Variants in MTUS2 observed in about 807,000 individuals in gnomAD.
The protein encoded by MTUS2 is microtubule-associated tumor suppressor candidate 2.
A neutral mutation model predicts 114.1 loss-of-function variants in MTUS2; 40 were observed. The ratio of observed to expected loss-of-function variants is 0.35; its 90% CI spans 0.27 to 0.46. The LOEUF is 0.46. MTUS2 is among the 20% of genes least tolerant of loss of function. The pLI, the probability that MTUS2 is intolerant of heterozygous loss-of-function variation, is 1.00. For missense variants in MTUS2, 1,679 were observed against 1,705.4 expected (o/e 0.98, Z 0.27); for synonymous variants, 688 against 672.0 (o/e 1.02, Z -0.37).
At chr13:29,470,582 A>C (rs962271217) in intron 9 of MTUS2, among the ~76,000 whole-genome samples, 1 of 152,146 alleles carries the variant, frequency 6.6e-6, no homozygotes, top group African/African-American at 2.4e-5. Flanking sequence ...TGCCTCCTAC[A>C]GTCTGTTCTC....
intron 2 of MTUS2, among the ~76,000 whole-genome samples, chr13:28,883,453 A>G (rs763044080): frequency 3.3e-5 from 5 of 152,248 alleles, no homozygotes; most frequent in Non-Finnish European, 5.9e-5. Context: ...ACCATGGAAT[A>G]CTATGTAACA....
chr13:28,861,365 G>C (rs544129480), intron 2 of MTUS2, among the ~76,000 whole-genome samples: 2 of 152,026 alleles, frequency 1.3e-5, no homozygotes, highest in South Asian at 2.1e-4. Context: ...GGCCCGACAG[G>C]CCTGGCATGG....
chr13:29,227,421 A>G lies in MTUS2; in HGVS notation c.2645-54283A>G, dbSNP rs139489187. ...CACTATGAATGTGTCTGTAGCACCC[A>G]GGCAAGTGACCCGAGGGGCTCGCTG... On this transcript the variant is annotated intron_variant, in intron 5 of 15. Coordinates refer to ENST00000612955, the MANE Select transcript of MTUS2 (RefSeq NM_001033602.4). 1.9e-3 allele frequency among the ~76,000 whole-genome samples: 291 copies of G among 152,322 alleles called. 1 individual carries two copies. Among genetic ancestry groups the G allele is most frequent in the African/African-American group, 6.6e-3 (276 of 41,556 alleles).
chr13:29,238,199 C>A (rs1405372125), intron 5 of MTUS2, among the ~76,000 whole-genome samples: 1 of 152,176 alleles, frequency 6.6e-6, no homozygotes, highest in Non-Finnish European at 1.5e-5. Context: ...AAAAATATAG[C>A]ATACAATGGA....
chr13:28,927,863 A>G (rs1881405270), intron 2 of MTUS2, among the ~76,000 whole-genome samples: 1 of 152,198 alleles, frequency 6.6e-6, no homozygotes, highest in Admixed American at 6.5e-5. Context: ...TGACTGGAAA[A>G]TATACTACAA....
chr13:29,271,211 G>T (rs547240220), intron 5 of MTUS2, among the ~76,000 whole-genome samples: 3 of 152,150 alleles, frequency 2.0e-5, no homozygotes, highest in East Asian at 3.9e-4. Context: ...TCCACCATTG[G>T]CAACTTCTTC....
chr13:29,366,966 C>T (rs768072126), intron 8 of MTUS2, among the ~76,000 whole-genome samples: 14 of 152,148 alleles, frequency 9.2e-5, no homozygotes, highest in Non-Finnish European at 1.8e-4. Context: ...CCTCTGCCTC[C>T]TCCTTAATAC....
rs543418952 is a variant in MTUS2 at position 29,332,887 on chromosome 13, G to A, written c.2905+8176G>A. Among the ~76,000 whole-genome samples, 19 of 152,000 alleles carry A rather than the reference G, an allele frequency of 1.3e-4. No individual in the cohort carries two copies. In the East Asian group the frequency reaches 1.7e-3, roughly 14 times the overall value. ...CCTGACCTCGTGATCTGCGCGTCTC[G>A]GCCTCCCAAAGTGCTGGGATTACAG... On this transcript the variant is annotated intron_variant, in intron 7 of 15. Transcript: ENST00000612955.
At chr13:29,346,431 C>G (rs899600364) in intron 7 of MTUS2, among the ~76,000 whole-genome samples, 15 of 151,980 alleles carry the variant, frequency 9.9e-5, no homozygotes, top group African/African-American at 3.4e-4. Flanking sequence ...GTTATGTTCC[C>G]AGGGGGATTA....
intron 9 of MTUS2, among the ~76,000 whole-genome samples, chr13:29,451,977 G>T (rs545894788): frequency 2.0e-5 from 3 of 152,276 alleles, no homozygotes; most frequent in South Asian, 2.1e-4. Flanking sequence ...GACTAGGTCT[G>T]GGAATTACCT....
intron 5 of MTUS2, among the ~76,000 whole-genome samples, chr13:29,183,368 A>G (rs9508309): frequency 0.09 from 13,733 of 152,078 alleles, 853 homozygotes; most frequent in Middle Eastern, 0.19. Flanking sequence ...AGCAGGGGGA[A>G]CAGGTTAGGA....
At chr13:29,206,779 A>G (rs911628374) in intron 5 of MTUS2, among the ~76,000 whole-genome samples, 7 of 152,092 alleles carry the variant, frequency 4.6e-5, no homozygotes, top group African/African-American at 1.4e-4. Flanking sequence ...ACCTATTTTC[A>G]TATCAGTACC....
chr13:29,128,728 C>G (rs1891625478), intron 5 of MTUS2, among the ~76,000 whole-genome samples: 1 of 151,946 alleles, frequency 6.6e-6, no homozygotes, highest in South Asian at 2.1e-4. Flanking sequence ...AGCCATGTGT[C>G]ACTCATGTTG....
At position 28,890,950 on chromosome 13, in the gene MTUS2, C is replaced by T. The variant is rs560628144; in HGVS notation, c.-243+51100C>T. ...TTTACCCTTTGACATCAGAGACCAA[C>T]TCTAATCTCTCTTCTCCATTACAGC... On this transcript the variant is annotated intron_variant, in intron 2 of 15. Coordinates refer to ENST00000612955, the MANE Select transcript of MTUS2 (RefSeq NM_001033602.4). Among the ~76,000 whole-genome samples, 12 of 152,306 alleles carry T rather than the reference C, an allele frequency of 7.9e-5. No individual in the cohort carries two copies. In the South Asian group the frequency reaches 2.5e-3, roughly 32 times the overall value.
chr13:29,333,933 A>G (rs1900922503), intron 7 of MTUS2, among the ~76,000 whole-genome samples: 1 of 152,238 alleles, frequency 6.6e-6, no homozygotes, highest in Admixed American at 6.5e-5. Context: ...TCCCGTTACC[A>G]TTATATAATG....
chr13:29,207,205 G>A (rs2139265184), intron 5 of MTUS2, among the ~76,000 whole-genome samples: 2 of 152,242 alleles, frequency 1.3e-5, no homozygotes, highest in East Asian at 3.9e-4. Flanking sequence ...AAGGGGTTGA[G>A]TTCTTTAATT....
Position 29,187,076 on chromosome 13 carries a change from C to G in MTUS2, c.2644+86106C>G, listed in dbSNP as rs369356877. Among the ~76,000 whole-genome samples the G allele has an allele frequency of 1.4e-3, 213 of 151,772 alleles. 1 individual carries two copies. The highest frequency in any genetic ancestry group is 6.8e-3 in the Middle Eastern group (2 of 294). ...ATTTTGAGATGAATGAAAATGAAAA[C>G]ACAACATACTAAAACTTATGTGATA... On this transcript the variant is annotated intron_variant, in intron 5 of 15. Transcript: ENST00000612955.
chr13:29,041,559 T>C (rs1038225603), intron 4 of MTUS2, among the ~76,000 whole-genome samples: 3 of 152,190 alleles, frequency 2.0e-5, no homozygotes, highest in African/African-American at 7.2e-5. Context: ...ACAATATTGA[T>C]TCTACCCATC....
intron 9 of MTUS2, among the ~76,000 whole-genome samples, chr13:29,471,744 C>G (rs941065052): frequency 1.2e-4 from 17 of 144,508 alleles, no homozygotes; most frequent in Non-Finnish European, 1.7e-4. Flanking sequence ...CAGGCCCAGC[C>G]CCCCCCGACA....
Sources: gnomAD v4.1 joint callset for allele counts (sites outside exome capture counted in the v4.1 genomes callset) on GRCh38, gnomAD v4.1.1 for gene constraint, MANE v1.5 for transcripts, NCBI Gene and HGNC (gene_info 2026-07-23, HGNC 2026-07-21) for gene names.